The following PARD6G variants were observed in gnomAD, a reference collection of about 807,000 sequenced individuals.
PARD6G encodes par-6 family cell polarity regulator gamma, also known as partitioning defective 6 homolog gamma.
Under a neutral mutation model 10.7 loss-of-function variants are expected in PARD6G, and 7 were observed. The observed-to-expected ratio is 0.66, with a 90% CI of 0.37 to 1.23. The LOEUF (loss-of-function observed/expected upper bound fraction) is 1.23. Among genes scored for constraint, PARD6G ranks in the 50% most tolerant of loss-of-function variants. The pLI is 0.02. For synonymous variants in PARD6G, 287 were observed against 269.4 expected, an observed-to-expected ratio of 1.07 and a Z score of -0.64; for missense variants, 548 against 571.8, an observed-to-expected ratio of 0.96 and a Z score of 0.42.
intron 1 of PARD6G, among the ~76,000 whole-genome samples, chr18:80,216,654 A>G (rs1234805565): frequency 6.6e-6 from 1 of 152,128 alleles, no homozygotes; most frequent in African/African-American, 2.4e-5. Flanking sequence ...GTAAACACCT[A>G]TATTTAAAAA....
chr18:80,173,859 G>A (rs1349889710), intron 2 of PARD6G, among the ~76,000 whole-genome samples: 1 of 152,176 alleles, frequency 6.6e-6, no homozygotes, highest in Non-Finnish European at 1.5e-5. Context: ...CTCCTTCAAA[G>A]CGCATGGCTA....
rs779352589 is a variant in PARD6G at position 80,183,146 on chromosome 18, G to A, written c.295+19564C>T. On this transcript the variant is annotated intron_variant, in intron 2 of 2. Coordinates refer to ENST00000353265, the MANE Select transcript of PARD6G (RefSeq NM_032510.4). This position sits in a 1 kb window ranked among gnomAD's most constrained non-coding sequence, Gnocchi z 4.5. ...GTCAGGTTCCTGGTCGCAGGGCTCC[G>A]TCATCTGCAGGAAAATTAGTGAAGA... The A allele has an allele frequency of 1.1e-5, 8 of 702,818 alleles. No individual in the cohort carries two copies. The highest frequency in any genetic ancestry group is 4.0e-5 in the Admixed American group (2 of 49,998). The allele number at this position is 702,818 out of a possible 1,614,324, so 43.5% of individuals were successfully genotyped here. A position where few individuals can be genotyped will look rare whatever the true frequency, so the allele number is the denominator to read the frequency against.
At chr18:80,202,959 GA>G in intron 1 of PARD6G, 27 bp from the exon 2 acceptor site, 1 of 287,536 alleles carries the variant, frequency 3.5e-6, no homozygotes, top group Non-Finnish European at 6.9e-6. Context: ...GGGGTGGGGG[GA>G]GGGGCATTAA....
At chr18:80,240,452 G>A (rs1122754) in intron 1 of PARD6G, among the ~76,000 whole-genome samples, 25,939 of 152,116 alleles carry the variant, frequency 0.17, 2,792 homozygotes, top group East Asian at 0.41. Context: ...AACACTGATT[G>A]TGTCCCTAAT....
intron 1 of PARD6G, among the ~76,000 whole-genome samples, chr18:80,209,859 TTTTC>T (rs1289037177): frequency 2.0e-5 from 3 of 152,214 alleles, no homozygotes; most frequent in African/African-American, 7.2e-5. Flanking sequence ...ATCATTTTTA[TTTTC>T]TTTAAAATGT....
chr18:80,219,631 T>C lies in PARD6G; in HGVS notation c.73-16699A>G, dbSNP rs144371582. On this transcript the variant is annotated intron_variant, in intron 1 of 2. Transcript: ENST00000353265. ...ATACCACCCTAAATCATCTCTCAAGTTCAAAGTTCCACAGATTTCTAGGGC... is the reference window on the plus strand; with the variant it reads ...ATACCACCCTAAATCATCTCTCAAGCTCAAAGTTCCACAGATTTCTAGGGC... Among the ~76,000 whole-genome samples the C allele has an allele frequency of 5.3e-5, 8 of 152,326 alleles. No homozygotes were observed. In the East Asian group the frequency reaches 1.5e-3, roughly 29 times the overall value.
rs1177749831 is a variant in PARD6G, at chr18:80,246,544, A to G, written c.72+733T>C. On this transcript the variant is annotated intron_variant, in intron 1 of 2. Transcript: ENST00000353265. This position sits in a 1 kb window ranked among gnomAD's most constrained non-coding sequence, Gnocchi z 6.7. ...CGCGCTCGGGAGGGGTCTGGGTCTGAGCCGGGGGCGCGCCCGGGGGAGTGG... is the reference window on the plus strand; with the variant it reads ...CGCGCTCGGGAGGGGTCTGGGTCTGGGCCGGGGGCGCGCCCGGGGGAGTGG... 2.6e-5 allele frequency among the ~76,000 whole-genome samples: 3 copies of G among 116,114 alleles called. No homozygotes were observed. The highest frequency in any genetic ancestry group is 6.7e-5 in the African/African-American group (2 of 29,760). The allele number at this position is 116,114 out of a possible 152,430, so 76.2% of individuals were successfully genotyped here. A position where few individuals can be genotyped will look rare whatever the true frequency, so the allele number is the denominator to read the frequency against.
At chr18:80,216,699 A>G (rs1967170617) in intron 1 of PARD6G, among the ~76,000 whole-genome samples, 1 of 152,138 alleles carries the variant, frequency 6.6e-6, no homozygotes, top group Non-Finnish European at 1.5e-5. Flanking sequence ...AACTTCCACC[A>G]TTAGAAATGA....
rs62101572 is a variant in PARD6G, at chr18:80,184,528, G to T, written c.295+18182C>A. 0.15 allele frequency: 22,292 copies of T among 146,848 alleles called. 2,256 individuals carry two copies. Among genetic ancestry groups the T allele is most frequent in the East Asian group, 0.42 (2,061 of 4,920 alleles). The allele number at this position is 146,848 out of a possible 1,614,324, so 9.1% of individuals were successfully genotyped here. ...CAGAGGGAGCAAGGCCGTGAAACCC[G>T]CAGCGGGAGCAAGGCAGTGAAACCC... On this transcript the variant is annotated intron_variant, in intron 2 of 2. Coordinates refer to ENST00000353265, the MANE Select transcript of PARD6G (RefSeq NM_032510.4). The surrounding 1 kb of genome is among the most constrained non-coding windows in gnomAD (Gnocchi z 4.5).
intron 1 of PARD6G, among the ~76,000 whole-genome samples, chr18:80,240,793 C>T (rs1967481028): frequency 6.6e-6 from 1 of 152,128 alleles, no homozygotes; most frequent in Admixed American, 6.6e-5. Context: ...TTCAAGGAGA[C>T]GTGAGGCTGT....
In PARD6G at chr18:80,189,743, G is replaced by A. The variant is rs924935688; in HGVS notation, c.295+12967C>T. On this transcript the variant is annotated intron_variant, in intron 2 of 2. Transcript: ENST00000353265. This position sits in a 1 kb window ranked among gnomAD's most constrained non-coding sequence, Gnocchi z 5.5. ...GGCTGTTCTTTCATCTCCCAGATGA[G>A]ACCCGACCTCTCCTTCCAGAGAGAA... Among the ~76,000 whole-genome samples, 1 of 152,096 alleles carries A rather than the reference G, an allele frequency of 6.6e-6. No individual in the cohort carries two copies. The highest frequency in any genetic ancestry group is 2.4e-5 in the African/African-American group (1 of 41,414).
intron 2 of PARD6G, chr18:80,170,013 G>A (rs999283172): frequency 1.2e-4 from 18 of 152,286 alleles, no homozygotes; most frequent in African/African-American, 3.9e-4. Context: ...GCTGCCAGAT[G>A]AGCACGGCCT....
intron 2 of PARD6G, among the ~76,000 whole-genome samples, chr18:80,176,611 G>A (rs1392899711): frequency 2.0e-5 from 3 of 152,150 alleles, no homozygotes; most frequent in Non-Finnish European, 4.4e-5. Flanking sequence ...TGCTATGGAA[G>A]GGGGTGCAGG....
chr18:80,175,120 A>C lies in PARD6G; in HGVS notation c.296-14514T>G, dbSNP rs1036435519. On this transcript the variant is annotated intron_variant, in intron 2 of 2. Coordinates refer to ENST00000353265, the MANE Select transcript of PARD6G (RefSeq NM_032510.4). This position sits in a 1 kb window ranked among gnomAD's most constrained non-coding sequence, Gnocchi z 6.7. ...ACAAAGCAGAAAGAAAATGCCCCAT[A>C]ATCCTTCTTCCTAACAGTCTAGTAC... is the stretch of plus-strand genomic sequence containing the variant. Among the ~76,000 whole-genome samples, 1 of 152,196 alleles carries C rather than the reference A, an allele frequency of 6.6e-6. No homozygotes were observed. Among genetic ancestry groups the C allele is most frequent in the Non-Finnish European group, 1.5e-5 (1 of 68,036 alleles).
At chr18:80,167,417 G>A (rs2052744145) in intron 2 of PARD6G, among the ~76,000 whole-genome samples, 2 of 152,192 alleles carry the variant, frequency 1.3e-5, no homozygotes, top group Admixed American at 1.3e-4. Flanking sequence ...GCTCACTCAG[G>A]GCAGCAAGCT....
intron 1 of PARD6G, among the ~76,000 whole-genome samples, chr18:80,232,390 T>C (rs1967367870): frequency 1.3e-5 from 2 of 152,246 alleles, no homozygotes; most frequent in African/African-American, 4.8e-5. Flanking sequence ...GATAAAGACA[T>C]ACCCGAGACT....
rs752632344 is a variant in PARD6G, at chr18:80,180,572, C to T, written c.296-19966G>A. ...CTGCGGCCTCTGGGTGTTTTCAGAA[C>T]GGCAATCACATTCTCAAGCTTAACT... is the stretch of plus-strand genomic sequence containing the variant. On this transcript the variant is annotated intron_variant, in intron 2 of 2. Coordinates refer to ENST00000353265, the MANE Select transcript of PARD6G (RefSeq NM_032510.4). This position sits in a 1 kb window ranked among gnomAD's most constrained non-coding sequence, Gnocchi z 5.6. Among the ~76,000 whole-genome samples, 7 of 152,112 alleles carry T rather than the reference C, an allele frequency of 4.6e-5. No homozygotes were observed. The highest frequency in any genetic ancestry group is 1.0e-4 in the Non-Finnish European group (7 of 68,004).
intron 1 of PARD6G, among the ~76,000 whole-genome samples, chr18:80,224,566 G>A (rs1296250705): frequency 2.0e-5 from 3 of 152,182 alleles, no homozygotes; most frequent in South Asian, 2.1e-4. Context: ...GACCGTCCAA[G>A]GCCGGGTGCG....
rs560662600 is a variant in PARD6G at position 80,180,409 on chromosome 18, G to A, written c.296-19803C>T. ...GAATGCAGCACTGTGCTCTTCCTGG[G>A]GGCTGTGGCCTCACAGAGGCTCCCA... On this transcript the variant is annotated intron_variant, in intron 2 of 2. Transcript: ENST00000353265. The surrounding 1 kb of genome is among the most constrained non-coding windows in gnomAD (Gnocchi z 5.6). 1.1e-3 allele frequency among the ~76,000 whole-genome samples: 168 copies of A among 152,266 alleles called. 1 individual carries two copies. Among genetic ancestry groups the A allele is most frequent in the African/African-American group, 4.0e-3 (165 of 41,550 alleles).
Sources: allele counts gnomAD v4.1 joint callset (sites outside exome capture counted in the v4.1 genomes callset), GRCh38; gene constraint gnomAD v4.1.1; non-coding constraint Gnocchi (gnomAD v3.1); transcripts MANE v1.5; gene names NCBI Gene and HGNC (gene_info 2026-07-23, HGNC 2026-07-21).